Variants in NENF observed in about 807,000 individuals in gnomAD.
NENF encodes neudesin neurotrophic factor, also known as neudesin.
Under a neutral mutation model 14.8 loss-of-function variants are expected in NENF, and 6 were observed. The ratio of observed to expected loss-of-function variants is 0.40; its 90% CI spans 0.22 to 0.80. NENF has a LOEUF of 0.80. NENF is among the 30% of genes least tolerant of loss of function. NENF has a pLI of 0.34. For synonymous variants in NENF, 76 were observed against 95.1 expected (o/e 0.80, Z 1.17); for missense variants, 184 against 212.7 (o/e 0.87, Z 0.84).
chr1:212,444,527 G>C, intron 3 of NENF, 85 bp downstream of exon 3: 1 of 322,474 alleles, frequency 3.1e-6, no homozygotes, highest in Non-Finnish European at 5.2e-6. Context: ...TCGTGTGTGT[G>C]TGTGTGTGTG....
At chr1:212,445,795 C>G in intron 3 of NENF, 35 bp from the exon 4 acceptor site, 1 of 1,610,910 alleles carries the variant, frequency 6.2e-7, no homozygotes, top group Non-Finnish European at 8.5e-7. Context: ...CCACTTAACC[C>G]CATCTCCTGT....
intron 1 of NENF, among the ~76,000 whole-genome samples, chr1:212,441,707 A>G (rs956095646): frequency 6.6e-6 from 1 of 151,914 alleles, no homozygotes; most frequent in African/African-American, 2.4e-5. Context: ...AATCACATGA[A>G]CCCGGAAGGT....
At chr1:212,440,242 ACT>A (rs1285912053) in intron 1 of NENF, among the ~76,000 whole-genome samples, 3 of 113,116 alleles carry the variant, frequency 2.7e-5, no homozygotes, top group Admixed American at 1.1e-4. Flanking sequence ...ACAGAGTAAG[ACT>A]CTGTCTCAAA....
chr1:212,444,518 CGT>C (rs57220444), intron 3 of NENF, 76 bp downstream of exon 3: 25,127 of 496,524 alleles, frequency 0.051, 917 homozygotes, highest in African/African-American at 0.1. Flanking sequence ...TTTTTCTTTT[CGT>C]GTGTGTGTGT....
chr1:212,443,086 T>C (rs950652370), intron 2 of NENF, among the ~76,000 whole-genome samples: 5 of 152,204 alleles, frequency 3.3e-5, no homozygotes, highest in African/African-American at 1.2e-4. Flanking sequence ...TTTGTCAGTG[T>C]TTTACTTCAG....
chr1:212,445,924 G>A lies in NENF; in HGVS notation c.437G>A (p.Arg146Lys). The part of the protein sequence containing the change: ...KYPIVGYTAR[R>K]ILNEDGSPNL... ...CCCATCGTCGGCTACACTGCCCGGA[G>A]AATTCTCAATGAGGATGGCAGCCCT... The change falls in exon 4 of 4, where the codon AGA becomes AAA. Residue 146 changes from arginine to lysine, a missense_variant. Physicochemically the swap from Arg to Lys is conservative, Grantham distance 26. Transcript: ENST00000366988. 2 of 1,614,206 alleles carry A rather than the reference G, an allele frequency of 1.2e-6. No homozygotes were observed. Among genetic ancestry groups the A allele is most frequent in the African/African-American group, 1.3e-5 (1 of 75,044 alleles).
intron 1 of NENF, among the ~76,000 whole-genome samples, chr1:212,439,564 C>T (rs1662667485): frequency 6.7e-6 from 1 of 149,340 alleles, no homozygotes; most frequent in South Asian, 2.1e-4. Context: ...AGATTGTTTG[C>T]CGGGCGTGTT....
At chr1:212,441,116 C>G (rs1462081636) in intron 1 of NENF, among the ~76,000 whole-genome samples, 1 of 151,992 alleles carries the variant, frequency 6.6e-6, no homozygotes, top group African/African-American at 2.4e-5. Context: ...ACATTTTATG[C>G]CTGCTAATAG....
Position 212,433,028 on chromosome 1 carries a change from G to GCCCGGGCCGGGCAGAC in NENF, c.86_101dup (p.Arg36GlyfsTer44). ...GGCGCTGGCCCCGGGGCTGCCCACA[G>GCCCGGGCCGGGCAGAC]CCCGGGCCGGGCAGACACCGCGCCC... On this transcript the variant is annotated frameshift_variant, in exon 1 of 4. Coordinates refer to ENST00000366988, the MANE Select transcript of NENF (RefSeq NM_013349.5). LOFTEE classifies it high-confidence loss of function. The surrounding 1 kb of genome is among the most constrained non-coding windows in gnomAD (Gnocchi z 5.5). The GCCCGGGCCGGGCAGAC allele has an allele frequency of 8.5e-7, 1 of 1,180,174 alleles. No homozygotes were observed. The highest frequency in any genetic ancestry group is 1.0e-6 in the Non-Finnish European group (1 of 954,620). The allele number at this position is 1,180,174 out of a possible 1,614,324, so 73.1% of individuals were successfully genotyped here.
chr1:212,438,098 C>G (rs1191635987), intron 1 of NENF, among the ~76,000 whole-genome samples: 1 of 152,108 alleles, frequency 6.6e-6, no homozygotes, highest in Non-Finnish European at 1.5e-5. Context: ...TTTTGAGGAC[C>G]TCTTATGTAG....
intron 1 of NENF, among the ~76,000 whole-genome samples, chr1:212,440,633 A>G (rs894349434): frequency 7.2e-5 from 11 of 151,980 alleles, no homozygotes; most frequent in African/African-American, 2.7e-4. Context: ...TATTACGTAC[A>G]CTCTTTTCCT....
intron 1 of NENF, among the ~76,000 whole-genome samples, chr1:212,435,308 G>A (rs1027921888): frequency 5.9e-5 from 9 of 152,256 alleles, no homozygotes. Flanking sequence ...GGAGTTCGGG[G>A]TACTGACCCC....
At chr1:212,436,307 CTTTTTTTTTTT>C (rs71573839) in intron 1 of NENF, among the ~76,000 whole-genome samples, 1 of 112,646 alleles carries the variant, frequency 8.9e-6, no homozygotes, top group Admixed American at 9.7e-5. Flanking sequence ...GCCCATGGGT[CTTTTTTTTTTT>C]TTTTTTTTTT....
chr1:212,446,053 C>A lies in NENF; in HGVS notation c.*47C>A, dbSNP rs1662775316. 6.3e-7 allele frequency: 1 copy of A among 1,596,936 alleles called. No individual in the cohort carries two copies. On this transcript the variant is annotated 3_prime_UTR_variant, in exon 4 of 4. Transcript: ENST00000366988. The stretch of plus-strand genomic sequence containing the variant: ...TTCTTGGGAGCGTGAGGCAGGAAGA[C>A]ACTAGGTGCTGAATCTCCTGCAAAA...
intron 1 of NENF, among the ~76,000 whole-genome samples, chr1:212,436,788 A>T (rs763598232): frequency 6.6e-6 from 1 of 152,186 alleles, no homozygotes; most frequent in Non-Finnish European, 1.5e-5. Context: ...GGTTATAATA[A>T]GAGTTCCTAC....
chr1:212,444,103 C>T (rs1479762268), intron 2 of NENF, among the ~76,000 whole-genome samples: 1 of 152,098 alleles, frequency 6.6e-6, no homozygotes, highest in Non-Finnish European at 1.5e-5. Flanking sequence ...TTTATATTTT[C>T]TGAAAATCCC....
In NENF at chr1:212,433,126, CG is replaced by C; in HGVS notation, c.177+11del. The C allele has an allele frequency of 1.7e-6, 2 of 1,184,834 alleles. No individual in the cohort carries two copies. The highest frequency in any genetic ancestry group is 1.0e-6 in the Non-Finnish European group (1 of 956,810). 73.4% of individuals were successfully genotyped at this position (1,184,834 alleles called of 1,614,324 possible). On this transcript the variant is annotated splice_region_variant and intron_variant, in intron 1 of 3. Transcript: ENST00000366988. This position sits in a 1 kb window ranked among gnomAD's most constrained non-coding sequence, Gnocchi z 5.5. ...CCCGCTATGGCGGGGAGGAGGTAGG[CG>C]GGGGTGTCGCGGGCCGAGGGACCCG...
At chr1:212,440,069 T>C (rs1013049211) in intron 1 of NENF, among the ~76,000 whole-genome samples, 2 of 151,864 alleles carry the variant, frequency 1.3e-5, no homozygotes, top group African/African-American at 4.8e-5. Flanking sequence ...CTGGCCAACA[T>C]GGTGAAACCC....
intron 1 of NENF, among the ~76,000 whole-genome samples, chr1:212,438,802 A>G (rs771005728): frequency 6.6e-6 from 1 of 151,956 alleles, no homozygotes; most frequent in Non-Finnish European, 1.5e-5. Flanking sequence ...TTTTTAGTAG[A>G]GACAGGTTTT....
Sources: gnomAD v4.1 joint callset for allele counts (sites outside exome capture counted in the v4.1 genomes callset) on GRCh38, gnomAD v4.1.1 for gene constraint, Gnocchi (gnomAD v3.1) non-coding constraint, MANE v1.5 for transcripts, NCBI Gene and HGNC (gene_info 2026-07-23, HGNC 2026-07-21) for gene names.